Variants in AGBL4 observed in about 807,000 individuals in gnomAD.
The protein encoded by AGBL4 is AGBL carboxypeptidase 4.
Under a neutral mutation model 66.4 loss-of-function variants are expected in AGBL4, and 58 were observed. The ratio of observed to expected loss-of-function variants is 0.87; its 90% CI spans 0.71 to 1.09. The LOEUF is 1.09. AGBL4 is among the 50% of genes least tolerant of loss of function. AGBL4 has a pLI of 0.00. For synonymous variants in AGBL4, 234 were observed against 222.9 expected (o/e 1.05, Z -0.44); for missense variants, 579 against 631.0 (o/e 0.92, Z 0.88).
At chr1:49,798,851 G>C (rs893633352) in intron 2 of AGBL4, among the ~76,000 whole-genome samples, 3 of 152,068 alleles carry the variant, frequency 2.0e-5, no homozygotes, top group African/African-American at 7.2e-5. Flanking sequence ...TAAATTAAGT[G>C]TTAATCACCA....
chr1:49,326,874 G>A (rs1282069668), intron 3 of AGBL4, among the ~76,000 whole-genome samples: 2 of 152,170 alleles, frequency 1.3e-5, no homozygotes, highest in Non-Finnish European at 2.9e-5. Flanking sequence ...AAACAGTTTT[G>A]AAGGTAAGAA....
chr1:48,763,883 G>A (rs1289974734), intron 6 of AGBL4, among the ~76,000 whole-genome samples: 1 of 152,176 alleles, frequency 6.6e-6, no homozygotes, highest in East Asian at 1.9e-4. Context: ...AGGATGAACA[G>A]GGTCCCCATC....
At chr1:48,711,043 C>T (rs1486283328) in intron 6 of AGBL4, among the ~76,000 whole-genome samples, 4 of 152,002 alleles carry the variant, frequency 2.6e-5, no homozygotes, top group Non-Finnish European at 5.9e-5. Flanking sequence ...GTCTGTCTGT[C>T]TGCCCCTACT....
intron 1 of AGBL4, among the ~76,000 whole-genome samples, chr1:49,905,786 T>C (rs1242096154): frequency 6.6e-6 from 1 of 152,094 alleles, no homozygotes; most frequent in Non-Finnish European, 1.5e-5. Context: ...ATATGACCAA[T>C]AATTAAGCAT....
rs563403835 is a variant in AGBL4 at position 49,906,314 on chromosome 1, C to G, written c.35-54796G>C. Among the ~76,000 whole-genome samples the G allele has an allele frequency of 7.2e-5, 11 of 152,130 alleles. No homozygotes were observed. The South Asian group carries it at 1.9e-3, about 26-fold the overall frequency. ...TTTATACATGCAAAAATAGACATAT[C>G]AGTAAAGCTAAAAGAGTTCACCGTA... On this transcript the variant is annotated intron_variant, in intron 1 of 13. Transcript: ENST00000371839.
intron 3 of AGBL4, among the ~76,000 whole-genome samples, chr1:49,643,088 C>A (rs1428268387): frequency 6.6e-6 from 1 of 151,776 alleles, no homozygotes; most frequent in Non-Finnish European, 1.5e-5. Context: ...AAAGGTTGTA[C>A]ATGGTAATAG....
chr1:49,116,297 G>C (rs1019366137), intron 4 of AGBL4, among the ~76,000 whole-genome samples: 3 of 152,106 alleles, frequency 2.0e-5, no homozygotes, highest in African/African-American at 7.2e-5. Flanking sequence ...GTATACGTGT[G>C]CCATGTTGGT....
chr1:50,019,219 T>C (rs1474580863), intron 1 of AGBL4, among the ~76,000 whole-genome samples: 4 of 151,550 alleles, frequency 2.6e-5, no homozygotes, highest in African/African-American at 9.7e-5. Flanking sequence ...GATTTCCTCT[T>C]CTTTTAAAGG....
chr1:48,830,151 A>G (rs1646517144), intron 6 of AGBL4, among the ~76,000 whole-genome samples: 1 of 152,224 alleles, frequency 6.6e-6, no homozygotes, highest in Admixed American at 6.5e-5. Flanking sequence ...TATACTACTT[A>G]CCTTAGACAA....
chr1:49,566,014 C>T (rs541443790), intron 3 of AGBL4, among the ~76,000 whole-genome samples: 70 of 152,172 alleles, frequency 4.6e-4, no homozygotes, highest in Admixed American at 1.3e-3. Context: ...TTGTTCTTTT[C>T]TCTCTAAACT....
intron 4 of AGBL4, among the ~76,000 whole-genome samples, chr1:49,201,084 T>C (rs1334590460): frequency 6.6e-6 from 1 of 152,180 alleles, no homozygotes; most frequent in Non-Finnish European, 1.5e-5. Flanking sequence ...ACTAAATCTA[T>C]ATATCCTGAT....
At chr1:48,532,619 C>T (rs1643912661), downstream of AGBL4, among the ~76,000 whole-genome samples, 1 of 152,130 alleles carries the variant, frequency 6.6e-6, no homozygotes, top group Non-Finnish European at 1.5e-5. Flanking sequence ...CTATCATTTC[C>T]AAAAGGCTGA....
chr1:49,095,335 T>C (rs1382868087), intron 4 of AGBL4, among the ~76,000 whole-genome samples: 2 of 152,158 alleles, frequency 1.3e-5, no homozygotes, highest in Non-Finnish European at 2.9e-5. Flanking sequence ...AAAAAACTAC[T>C]TTAAAGTTCA....
chr1:48,724,392 G>T (rs1405856402), intron 6 of AGBL4, among the ~76,000 whole-genome samples: 1 of 152,190 alleles, frequency 6.6e-6, no homozygotes, highest in Admixed American at 6.5e-5. Context: ...GTGATGAAAA[G>T]TGTGCAGCCA....
intron 3 of AGBL4, among the ~76,000 whole-genome samples, chr1:49,432,105 C>T (rs544680750): frequency 1.3e-5 from 2 of 152,038 alleles, no homozygotes; most frequent in East Asian, 1.9e-4. Context: ...CATAACCCTC[C>T]GTGATTTAGC....
At chr1:48,549,885 C>T (rs1320465758) in intron 11 of AGBL4, among the ~76,000 whole-genome samples, 2 of 152,008 alleles carry the variant, frequency 1.3e-5, no homozygotes, top group Non-Finnish European at 2.9e-5. Flanking sequence ...AGAAGCACAG[C>T]CGCAGAGGAC....
intron 3 of AGBL4, among the ~76,000 whole-genome samples, chr1:49,362,689 C>T (rs938757252): frequency 1.3e-5 from 2 of 152,086 alleles, no homozygotes; most frequent in Admixed American, 6.6e-5. Context: ...AATTTCTAGT[C>T]TTCTCTTTAC....
intron 1 of AGBL4, among the ~76,000 whole-genome samples, chr1:49,953,233 A>T (rs747911624): frequency 1.4e-4 from 22 of 151,924 alleles, no homozygotes; most frequent in Non-Finnish European, 2.9e-4. Flanking sequence ...AATCTTTTAA[A>T]ATCTGTTTAC....
At chr1:49,713,619 T>C (rs915034207) in intron 2 of AGBL4, among the ~76,000 whole-genome samples, 1 of 152,010 alleles carries the variant, frequency 6.6e-6, no homozygotes, top group African/African-American at 2.4e-5. Context: ...TACATATATA[T>C]ACACACACAT....
Sources: allele counts gnomAD v4.1 joint callset (sites outside exome capture counted in the v4.1 genomes callset), GRCh38; gene constraint gnomAD v4.1.1; transcripts MANE v1.5; gene names NCBI Gene and HGNC (gene_info 2026-07-23, HGNC 2026-07-21).